CSMD1: variants seen among roughly 807,000 people sequenced by gnomAD.
CSMD1 encodes the protein CUB and sushi domain-containing protein 1.
CSMD1 carries 213 observed loss-of-function variants against 417.5 expected under a neutral mutation model. The observed-to-expected ratio is 0.51, with a 90% CI of 0.46 to 0.57. The LOEUF is 0.57. Ranked by LOEUF, CSMD1 falls within the 20% of genes least tolerant of loss-of-function variation. The pLI, the probability that CSMD1 is intolerant of heterozygous loss-of-function variation, is 0.00. For missense variants in CSMD1, 6,923 were observed against 4,529.7 expected (o/e 1.53, Z -15.17); for synonymous variants, 2,862 against 1,736.8 (o/e 1.65, Z -16.11).
At chr8:4,358,532 G>T (rs887915307) in intron 3 of CSMD1, among the ~76,000 whole-genome samples, 2 of 152,186 alleles carry the variant, frequency 1.3e-5, no homozygotes, top group African/African-American at 4.8e-5. Context: ...AGATGCAGAG[G>T]TGACGATATG....
chr8:3,024,635 T>C (rs893756971), intron 51 of CSMD1, among the ~76,000 whole-genome samples: 1 of 152,170 alleles, frequency 6.6e-6, no homozygotes, highest in African/African-American at 2.4e-5. Flanking sequence ...AAATTGTGTT[T>C]TTCACTTTCT....
chr8:3,615,814 C>G (rs1802109867), intron 8 of CSMD1, among the ~76,000 whole-genome samples: 1 of 152,058 alleles, frequency 6.6e-6, no homozygotes, highest in Non-Finnish European at 1.5e-5. Context: ...TATCTTGTTT[C>G]TCTTTACTAT....
chr8:4,620,630 T>A (rs546934226), intron 2 of CSMD1, among the ~76,000 whole-genome samples: 1 of 151,954 alleles, frequency 6.6e-6, no homozygotes, highest in African/African-American at 2.4e-5. Flanking sequence ...CCCAAATATA[T>A]GAAATCATAC....
rs77798552 is a variant in CSMD1 at position 3,705,607 on chromosome 8, C to G, written c.1009+2807G>C. On this transcript the variant is annotated intron_variant, in intron 7 of 69. Transcript: ENST00000635120. The stretch of plus-strand genomic sequence containing the variant: ...TAAAAAATACTAAGATGGAAGCAAA[C>G]AGAGGGGGCTGTGGAACAAGAGCTA... 4.8e-3 allele frequency among the ~76,000 whole-genome samples: 738 copies of G among 152,290 alleles called. 10 individuals carry two copies. The highest frequency in any genetic ancestry group is 0.017 in the African/African-American group (702 of 41,556).
intron 3 of CSMD1, among the ~76,000 whole-genome samples, chr8:4,257,181 T>G (rs1469103624): frequency 7.7e-6 from 1 of 129,998 alleles, no homozygotes; most frequent in Non-Finnish European, 1.6e-5. Flanking sequence ...AGTTATAAAT[T>G]ATGGTACTAC....
At chr8:2,966,493 C>A (rs1803970381) in intron 58 of CSMD1, 77 bp downstream of exon 58, 1 of 1,361,402 alleles carries the variant, frequency 7.3e-7, no homozygotes. Context: ...CAGTATAACA[C>A]CTTAAAGTCA....
intron 7 of CSMD1, among the ~76,000 whole-genome samples, chr8:3,708,185 G>A (rs1426083862): frequency 6.6e-6 from 1 of 152,176 alleles, no homozygotes; most frequent in South Asian, 2.1e-4. Flanking sequence ...CTCAGACAGT[G>A]ATCAGGGCAG....
chr8:4,034,111 T>C (rs186207619), intron 3 of CSMD1, among the ~76,000 whole-genome samples: 121 of 152,348 alleles, frequency 7.9e-4, no homozygotes, highest in African/African-American at 2.8e-3. Context: ...TGATATAATG[T>C]AGAATAATAT....
intron 4 of CSMD1, among the ~76,000 whole-genome samples, chr8:4,013,764 T>G (rs1287579383): frequency 6.6e-6 from 1 of 152,204 alleles, no homozygotes; most frequent in Non-Finnish European, 1.5e-5. Context: ...CAGTCCAGTA[T>G]CTGGTTTTAT....
intron 1 of CSMD1, among the ~76,000 whole-genome samples, chr8:4,702,098 G>A (rs189039674): frequency 1.3e-5 from 2 of 152,224 alleles, no homozygotes; most frequent in East Asian, 3.9e-4. Context: ...ACACATACTG[G>A]AGCCTGTCAG....
intron 5 of CSMD1, among the ~76,000 whole-genome samples, chr8:3,837,744 G>A (rs575892522): frequency 3.2e-4 from 48 of 152,134 alleles, no homozygotes; most frequent in African/African-American, 8.9e-4. Context: ...AAATCCTCCT[G>A]GCTCCTCCCA....
At chr8:4,440,909 A>G (rs959576714) in intron 2 of CSMD1, among the ~76,000 whole-genome samples, 1 of 151,654 alleles carries the variant, frequency 6.6e-6, no homozygotes, top group African/African-American at 2.4e-5. Context: ...AGGCATGAGA[A>G]TCACTTGAAC....
intron 3 of CSMD1, among the ~76,000 whole-genome samples, chr8:4,215,856 A>G (rs1381489240): frequency 1.3e-5 from 2 of 152,222 alleles, no homozygotes; most frequent in Admixed American, 6.5e-5. Flanking sequence ...GGTTTATGTG[A>G]TTAATTCTAT....
At chr8:3,765,726 G>A (rs1370841021) in intron 5 of CSMD1, among the ~76,000 whole-genome samples, 1 of 152,188 alleles carries the variant, frequency 6.6e-6, no homozygotes. Flanking sequence ...AGCCTTGCAG[G>A]TGGGGGCGCC....
intron 1 of CSMD1, among the ~76,000 whole-genome samples, chr8:4,879,770 A>C (rs1340988435): frequency 6.6e-6 from 1 of 152,116 alleles, no homozygotes; most frequent in Non-Finnish European, 1.5e-5. Flanking sequence ...ATCTCAAGTG[A>C]CAGGGGACAG....
chr8:3,455,247 A>G (rs570178534), intron 12 of CSMD1, among the ~76,000 whole-genome samples: 3 of 152,136 alleles, frequency 2.0e-5, no homozygotes, highest in Non-Finnish European at 4.4e-5. Context: ...CTTCTTTGCC[A>G]TGGGTTCAAA....
At chr8:3,221,529 A>AAAAGAAAC (rs1798213691) in intron 28 of CSMD1, among the ~76,000 whole-genome samples, 2 of 150,298 alleles carry the variant, frequency 1.3e-5, no homozygotes, top group East Asian at 4.0e-4. Context: ...CAGACACAGG[A>AAAAGAAAC]AAACAAACAA....
At chr8:3,023,907 G>A (rs1462032962) in intron 51 of CSMD1, among the ~76,000 whole-genome samples, 2 of 151,722 alleles carry the variant, frequency 1.3e-5, no homozygotes, top group Admixed American at 6.6e-5. Context: ...CAATGACTCG[G>A]GTGATGCTAC....
intron 3 of CSMD1, among the ~76,000 whole-genome samples, chr8:4,195,790 G>A (rs1438897784): frequency 6.6e-6 from 1 of 152,118 alleles, no homozygotes; most frequent in Non-Finnish European, 1.5e-5. Context: ...CAACCTGAAT[G>A]AGCTTGGATG....
Sources: gnomAD v4.1 joint callset for allele counts (sites outside exome capture counted in the v4.1 genomes callset) on GRCh38, gnomAD v4.1.1 for gene constraint, MANE v1.5 for transcripts, NCBI Gene and HGNC (gene_info 2026-07-23, HGNC 2026-07-21) for gene names.